Variants in GASK1A observed in about 807,000 individuals in gnomAD.
GASK1A encodes Golgi-associated kinase 1A.
Under a neutral mutation model 41.2 loss-of-function variants are expected in GASK1A, and 40 were observed. The ratio of observed to expected loss-of-function variants is 0.97; its 90% confidence interval spans 0.75 to 1.27. The LOEUF (loss-of-function observed/expected upper bound fraction) is 1.27, where lower values mean the gene tolerates loss of function less well. Ranked by LOEUF, GASK1A falls within the 50% of genes most tolerant of loss-of-function variation. The pLI is 0.00. For synonymous variants in GASK1A, 316 were observed against 307.1 expected (o/e 1.03, Z -0.30); for missense variants, 678 against 745.1 (o/e 0.91, Z 1.05).
intron 1 of GASK1A, among the ~76,000 whole-genome samples, chr3:42,983,612 C>T (rs1157647280): frequency 6.6e-6 from 1 of 152,186 alleles, no homozygotes; most frequent in African/African-American, 2.4e-5. Flanking sequence ...GCTGGGGTCC[C>T]CTCATTGAGT....
chr3:43,032,387 C>T lies in GASK1A; in HGVS notation c.124C>T (p.Pro42Ser). Residue 42 changes from proline (P) to serine (S), a missense_variant, in exon 2 of 5, where the codon CCA becomes TCA. Pro to Ser is a moderately conservative substitution (Grantham distance 74). Coordinates refer to ENST00000430121, the MANE Select transcript of GASK1A (RefSeq NM_001129908.3). Reference sequence around the variant, plus strand: ...TCCCCCACAGCGTCCATCCGCCGGCCCAGACCCTGGTCCCATGGAGCCTCA... The same window carrying T: ...TCCCCCACAGCGTCCATCCGCCGGCTCAGACCCTGGTCCCATGGAGCCTCA... ...RFPPQRPSAG[P>S]DPGPMEPQGV... 1 of 1,551,664 alleles carries T rather than the reference C, an allele frequency of 6.4e-7. No individual in the cohort carries two copies.
chr3:43,005,409 T>A (rs2089431050), intron 1 of GASK1A, among the ~76,000 whole-genome samples: 1 of 152,194 alleles, frequency 6.6e-6, no homozygotes, highest in African/African-American at 2.4e-5. Flanking sequence ...TACTGAGTAG[T>A]GTGATGAATC....
intron 1 of GASK1A, among the ~76,000 whole-genome samples, chr3:42,996,379 C>T (rs1409858925): frequency 6.6e-6 from 1 of 152,196 alleles, no homozygotes; most frequent in African/African-American, 2.4e-5. Context: ...TTATGATGGA[C>T]AGGTCACATT....
chr3:42,987,907 G>A (rs1472084186), intron 1 of GASK1A, among the ~76,000 whole-genome samples: 2 of 141,322 alleles, frequency 1.4e-5, no homozygotes, highest in Admixed American at 1.6e-4. Context: ...GCTGAGGCAG[G>A]AGAGTCCTTT....
chr3:43,055,212 T>C (rs2125693492), intron 3 of GASK1A, among the ~76,000 whole-genome samples: 1 of 152,326 alleles, frequency 6.6e-6, no homozygotes, highest in Non-Finnish European at 1.5e-5. Flanking sequence ...TAGTGCCTGC[T>C]TCCTAAGGTT....
chr3:43,034,471 A>G (rs2089595314), intron 2 of GASK1A, among the ~76,000 whole-genome samples: 1 of 152,240 alleles, frequency 6.6e-6, no homozygotes, highest in Admixed American at 6.5e-5. Flanking sequence ...GACCTCAGCC[A>G]TAGATACACA....
rs959864267 is a variant in GASK1A, at chr3:43,057,316, C to T, written c.*930C>T. On this transcript the variant is annotated 3_prime_UTR_variant, in exon 5 of 5. Coordinates refer to ENST00000430121, the MANE Select transcript of GASK1A (RefSeq NM_001129908.3). ...CAAGTATTTCTGCGAGGTAGATTTC[C>T]GTACGGGATTTCTGGGGCAAAGGGT... is the stretch of plus-strand genomic sequence containing the variant. The T allele has an allele frequency of 1.3e-5, 2 of 152,182 alleles. No homozygotes were observed. Among genetic ancestry groups the T allele is most frequent in the African/African-American group, 4.8e-5 (2 of 41,436 alleles). 9.4% of individuals were successfully genotyped at this position (152,182 alleles called of 1,614,324 possible).
chr3:43,010,189 G>A (rs1221857737), intron 1 of GASK1A, among the ~76,000 whole-genome samples: 4 of 152,112 alleles, frequency 2.6e-5, no homozygotes, highest in African/African-American at 4.8e-5. Context: ...CCAGTCACAT[G>A]TTGGGTTCCA....
intron 1 of GASK1A, among the ~76,000 whole-genome samples, chr3:43,022,827 T>C (rs1307157689): frequency 3.9e-5 from 6 of 152,172 alleles, no homozygotes; most frequent in African/African-American, 1.4e-4. Context: ...ATATTGTTTG[T>C]TATAATAAAA....
chr3:42,997,438 G>GA (rs71072751), intron 1 of GASK1A, among the ~76,000 whole-genome samples: 58,014 of 132,474 alleles, frequency 0.44, 11,644 homozygotes, highest in Non-Finnish European at 0.47. Flanking sequence ...GACAGAGAGA[G>GA]GGGGGGGGGA....
intron 1 of GASK1A, among the ~76,000 whole-genome samples, chr3:43,007,617 C>G (rs753086175): frequency 1.3e-5 from 2 of 152,226 alleles, no homozygotes; most frequent in Non-Finnish European, 2.9e-5. Context: ...TCTGCTCAGG[C>G]CATTGCTACT....
intron 2 of GASK1A, among the ~76,000 whole-genome samples, chr3:43,035,247 C>T (rs1309980083): frequency 2.0e-5 from 3 of 152,230 alleles, no homozygotes; most frequent in South Asian, 2.1e-4. Context: ...TAGCTCCTGG[C>T]TGCTGGCACC....
intron 1 of GASK1A, among the ~76,000 whole-genome samples, chr3:42,996,170 G>C (rs2089368305): frequency 6.6e-6 from 1 of 152,216 alleles, no homozygotes; most frequent in Non-Finnish European, 1.5e-5. Context: ...TGGGGCTCTT[G>C]CTCTCAGCAC....
chr3:43,053,649 T>C lies in GASK1A; in HGVS notation c.1413+6T>C. On this transcript the variant is annotated splice_donor_region_variant and intron_variant, in intron 3 of 4. Transcript: ENST00000430121. ...TGCGGCTGGTCCACATCCTGGTACG[T>C]CTCCTCCACACCATCCCCTTGTCAC... The C allele has an allele frequency of 6.4e-7, 1 of 1,551,636 alleles. No homozygotes were observed.
chr3:43,025,521 T>C (rs1211391288), intron 1 of GASK1A, among the ~76,000 whole-genome samples: 1 of 152,198 alleles, frequency 6.6e-6, no homozygotes, highest in African/African-American at 2.4e-5. Context: ...CTGGGATAGG[T>C]GGATCACCTC....
In GASK1A at chr3:43,033,319, T is replaced by C. The variant is rs2089588956; in HGVS notation, c.1056T>C (p.His352=). The change falls in exon 2 of 5, where the codon CAT becomes CAC. Residue 352 remains histidine, a synonymous_variant. Coordinates refer to ENST00000430121, the MANE Select transcript of GASK1A (RefSeq NM_001129908.3). The part of the protein sequence containing the change: ...RSLPAVARRF[H]SPLLPYRYTD... ...TACCTGCTGTGGCCCGCCGCTTCCA[T>C]AGCCCCCTCCTGCCCTACCGATACA... The C allele has an allele frequency of 6.4e-7, 1 of 1,551,128 alleles. No homozygotes were observed. Among genetic ancestry groups the C allele is most frequent in the East Asian group, 2.4e-5 (1 of 40,932 alleles).
intron 1 of GASK1A, among the ~76,000 whole-genome samples, chr3:43,024,180 T>C (rs1008003477): frequency 2.6e-5 from 4 of 152,206 alleles, no homozygotes; most frequent in Non-Finnish European, 5.9e-5. Flanking sequence ...ATACCTTTCG[T>C]GTGCAAACCA....
intron 2 of GASK1A, chr3:43,037,493 G>T: frequency 1.9e-6 from 1 of 529,058 alleles, no homozygotes; most frequent in Non-Finnish European, 3.4e-6. Flanking sequence ...GAAGGGTAAG[G>T]TATTTAGGAA....
intron 1 of GASK1A, among the ~76,000 whole-genome samples, chr3:42,998,633 C>G (rs1016804446): frequency 3.9e-5 from 6 of 152,118 alleles, no homozygotes; most frequent in Non-Finnish European, 8.8e-5. Context: ...CAGGAGTGTG[C>G]GGTAGGCAGG....
Sources: gnomAD v4.1 joint callset for allele counts (sites outside exome capture counted in the v4.1 genomes callset) on GRCh38, gnomAD v4.1.1 for gene constraint, MANE v1.5 for transcripts, NCBI Gene and HGNC (gene_info 2026-07-23, HGNC 2026-07-21) for gene names.